ATP8B4: variants seen among roughly 807,000 people sequenced by gnomAD.
ATP8B4 encodes ATPase phospholipid transporting 8B4 (putative).
Under a neutral mutation model 145.6 loss-of-function variants are expected in ATP8B4, and 133 were observed. The ratio of observed to expected loss-of-function variants is 0.91; its 90% CI spans 0.79 to 1.05. ATP8B4 has a LOEUF of 1.05. Ranked by LOEUF, ATP8B4 falls within the 50% of genes least tolerant of loss-of-function variation. ATP8B4 has a pLI of 0.00. For synonymous variants in ATP8B4, 507 were observed against 492.9 expected, an observed-to-expected ratio of 1.03 and a Z score of -0.38; for missense variants, 1,458 against 1,425.2, an observed-to-expected ratio of 1.02 and a Z score of -0.37.
intron 6 of ATP8B4, among the ~76,000 whole-genome samples, chr15:50,036,312 C>G (rs569433424): frequency 2.6e-5 from 4 of 152,184 alleles, no homozygotes; most frequent in Non-Finnish European, 4.4e-5. Flanking sequence ...CAAGTTACAC[C>G]TCAGTGTTTG....
intron 1 of ATP8B4, among the ~76,000 whole-genome samples, chr15:50,158,397 C>T (rs1048843269): frequency 1.4e-5 from 2 of 146,424 alleles, no homozygotes; most frequent in African/African-American, 2.6e-5. Flanking sequence ...AGGTGGGGGT[C>T]AGCCCCCGCC....
At chr15:49,982,703 G>T (rs952030511) in intron 10 of ATP8B4, 1 of 152,126 alleles carries the variant, frequency 6.6e-6, no homozygotes, top group African/African-American at 2.4e-5. Flanking sequence ...CCTTTTTATG[G>T]ATTATTAAGC....
chr15:49,918,846 G>T lies in ATP8B4; in HGVS notation c.2028C>A (p.Asp676Glu). The T allele has an allele frequency of 6.2e-7, 1 of 1,602,584 alleles. No homozygotes were observed. The highest frequency in any genetic ancestry group is 8.5e-7 in the Non-Finnish European group (1 of 1,171,932). ...ANIKIWVLTG[D>E]KQETAINIGY... is the part of the protein sequence containing the mutation. ...CATCCATTTTCAAGTTACCTTGTTT[G>T]TCTCCTGTTAGGACCCAGATCTTAA... is the stretch of plus-strand genomic sequence containing the variant. The change falls in exon 19 of 28, where the codon GAC (aspartate) becomes GAA (glutamate). Residue 676 changes from aspartate (D) to glutamate (E), a missense_variant. By Grantham distance (45) the Asp-to-Glu change is conservative (BLOSUM62 2). Transcript: ENST00000284509.
intron 1 of ATP8B4, among the ~76,000 whole-genome samples, chr15:50,134,494 A>C (rs12901981): frequency 0.22 from 33,254 of 152,110 alleles, 4,299 homozygotes; most frequent in East Asian, 0.42. Flanking sequence ...AGCAGGAACA[A>C]AGACAGAGAA....
At chr15:50,045,940 C>T (rs1051930803) in intron 4 of ATP8B4, among the ~76,000 whole-genome samples, 1 of 152,190 alleles carries the variant, frequency 6.6e-6, no homozygotes, top group African/African-American at 2.4e-5. Flanking sequence ...GAAATTTGGA[C>T]TCTAAGCTTT....
At chr15:49,867,151 C>T (rs56687987) in intron 25 of ATP8B4, among the ~76,000 whole-genome samples, 69 of 152,292 alleles carry the variant, frequency 4.5e-4, no homozygotes, top group African/African-American at 1.6e-3. Context: ...AAGGACACCA[C>T]TGGTAAATAT....
rs149302488 is a variant in ATP8B4 at position 50,079,168 on chromosome 15, T to C, written c.29-4983A>G. 2.0e-3 allele frequency among the ~76,000 whole-genome samples: 297 copies of C among 152,284 alleles called. 3 individuals are homozygous for C. The Middle Eastern group carries it at 0.041, about 21-fold the overall frequency. On this transcript the variant is annotated intron_variant, in intron 2 of 27. Coordinates refer to ENST00000284509, the MANE Select transcript of ATP8B4 (RefSeq NM_024837.4). ...ATGATTATTATATACTCCATGTCTG[T>C]ACCAAAATATCTAATGTATAACCCA... is the stretch of plus-strand genomic sequence containing the variant.
chr15:50,047,610 AT>A, intron 3 of ATP8B4, 146 bp from the exon 4 acceptor site: 1 of 625,402 alleles, frequency 1.6e-6, no homozygotes, highest in East Asian at 2.9e-5. Context: ...CAAGGCCTTC[AT>A]TTTTCCCAAG....
intron 14 of ATP8B4, among the ~76,000 whole-genome samples, chr15:49,960,379 A>T (rs1290673069): frequency 6.6e-6 from 1 of 152,198 alleles, no homozygotes; most frequent in African/African-American, 2.4e-5. Flanking sequence ...AAGAAAACAC[A>T]TCAAAAATTC....
chr15:50,057,879 T>C, intron 3 of ATP8B4, among the ~76,000 whole-genome samples: 1 of 152,198 alleles, frequency 6.6e-6, no homozygotes. Context: ...CTGAGATTAA[T>C]TTAATCACAC....
chr15:50,166,129 C>A (rs1595663816), intron 1 of ATP8B4, among the ~76,000 whole-genome samples: 1 of 152,088 alleles, frequency 6.6e-6, no homozygotes, highest in East Asian at 1.9e-4. Flanking sequence ...AGAGTGATAT[C>A]TTGAAAGTAC....
intron 13 of ATP8B4, among the ~76,000 whole-genome samples, chr15:49,970,962 C>T (rs750016558): frequency 2.6e-5 from 4 of 152,050 alleles, no homozygotes; most frequent in East Asian, 3.8e-4. Flanking sequence ...TCAGAAATAA[C>T]GCCACACACC....
intron 9 of ATP8B4, among the ~76,000 whole-genome samples, chr15:49,990,882 G>C (rs751048172): frequency 6.6e-6 from 1 of 152,060 alleles, no homozygotes; most frequent in African/African-American, 2.4e-5. Flanking sequence ...TTTTTTTAGC[G>C]TTTTAGAGAT....
At chr15:49,894,517 T>C (rs985268836) in intron 23 of ATP8B4, among the ~76,000 whole-genome samples, 3 of 152,224 alleles carry the variant, frequency 2.0e-5, no homozygotes, top group Non-Finnish European at 2.9e-5. Flanking sequence ...AAATCCACTC[T>C]ATGTCTTTCC....
chr15:50,051,278 T>C (rs945389852), intron 3 of ATP8B4, among the ~76,000 whole-genome samples: 2 of 152,190 alleles, frequency 1.3e-5, no homozygotes, highest in Non-Finnish European at 2.9e-5. Flanking sequence ...CCATCATGAC[T>C]CTAAGATTCC....
chr15:50,013,974 G>T (rs1405399741), intron 6 of ATP8B4, among the ~76,000 whole-genome samples: 1 of 152,198 alleles, frequency 6.6e-6, no homozygotes, highest in African/African-American at 2.4e-5. Context: ...ATTGCTTTCA[G>T]AAGCTGAAAA....
chr15:50,114,103 C>CTTTTTTTTTTTTTTTTTTTTTTTTTTTT lies in ATP8B4; in HGVS notation c.-43+5019_-43+5020insAAAAAAAAAAAAAAAAAAAAAAAAAAAA, dbSNP rs755159123. On this transcript the variant is annotated intron_variant, in intron 1 of 27. Coordinates refer to ENST00000284509, the MANE Select transcript of ATP8B4 (RefSeq NM_024837.4). ...ATTTTCCTTCTTGGTCTCCTAGTTT[C>CTTTTTTTTTTTTTTTTTTTTTTTTTTTT]TTTTTTTTTTTTTTTTTTTTTTTTT... 1.8e-4 allele frequency among the ~76,000 whole-genome samples: 10 copies of CTTTTTTTTTTTTTTTTTTTTTTTTTTTT among 55,646 alleles called. 1 individual carries two copies. Among genetic ancestry groups the CTTTTTTTTTTTTTTTTTTTTTTTTTTTT allele is most frequent in the Admixed American group, 3.4e-4 (1 of 2,956 alleles). The allele number at this position is 55,646 out of a possible 152,430, so 36.5% of individuals were successfully genotyped here.
chr15:49,975,537 C>T (rs1370899110), intron 12 of ATP8B4, among the ~76,000 whole-genome samples: 4 of 152,110 alleles, frequency 2.6e-5, no homozygotes, highest in East Asian at 1.9e-4. Context: ...TCAGTACAGA[C>T]ACAACCATCC....
At chr15:50,079,010 A>G (rs2054367945) in intron 2 of ATP8B4, among the ~76,000 whole-genome samples, 1 of 152,234 alleles carries the variant, frequency 6.6e-6, no homozygotes, top group Non-Finnish European at 1.5e-5. Context: ...AAGACCTACT[A>G]TTTGACAGCA....
Sources: gnomAD v4.1 joint callset for allele counts (sites outside exome capture counted in the v4.1 genomes callset) on GRCh38, gnomAD v4.1.1 for gene constraint, MANE v1.5 for transcripts, NCBI Gene and HGNC (gene_info 2026-07-23, HGNC 2026-07-21) for gene names.